Variants in HLA-DQB1 observed in about 807,000 individuals in gnomAD.
The protein encoded by HLA-DQB1 is major histocompatibility complex, class II, DQ beta 1, also known as HLA class II histocompatibility antigen, DQ beta 1 chain.
Under a neutral mutation model 26.4 loss-of-function variants are expected in HLA-DQB1, and 13 were observed. That is an observed-to-expected ratio of 0.49 (90% confidence interval 0.32 to 0.78). HLA-DQB1 has a LOEUF of 0.78. HLA-DQB1 is among the 30% of genes least tolerant of loss of function. The pLI is 0.03. For synonymous variants in HLA-DQB1, 60 were observed against 129.1 expected (o/e 0.46, Z 3.63); for missense variants, 158 against 326.2 (o/e 0.48, Z 3.97).
At chr6:32,661,269 T>C (rs28724237) in intron 4 of HLA-DQB1, 78 bp downstream of exon 4, 85,082 of 541,844 alleles carry the variant, frequency 0.16, 16,697 homozygotes, top group Admixed American at 0.33. Flanking sequence ...AGGAAAGAGC[T>C]AATCTACAGA....
At position 32,662,453 on chromosome 6, in the gene HLA-DQB1, T is replaced by C. The variant is rs9274129; in HGVS notation, c.380-205A>G. ...TAACATACTATGGTCCCTGCATTTA[T>C]AGAATGTGCAATCTAGTAACAGACA... On this transcript the variant is annotated intron_variant, in intron 2 of 4. Coordinates refer to ENST00000434651, the Ensembl canonical transcript of HLA-DQB1. 711 of 172,370 alleles carry C rather than the reference T, an allele frequency of 4.1e-3. 37 individuals are homozygous for C. Among genetic ancestry groups the C allele is most frequent in the Admixed American group, 9.5e-3 (64 of 6,702 alleles). 10.7% of individuals were successfully genotyped at this position (172,370 alleles called of 1,614,324 possible).
chr6:32,660,181 T>C (rs7656), exon 5 of HLA-DQB1: 539,423 of 765,264 alleles, frequency 0.7, 239,974 homozygotes, highest in South Asian at 0.96. Flanking sequence ...TGGGCAGGCA[T>C]AAGCAGGCAT....
intron 2 of HLA-DQB1, chr6:32,664,423 G>A (rs141127771): frequency 0.035 from 4,867 of 137,248 alleles, 1,433 homozygotes; most frequent in East Asian, 0.27. Flanking sequence ...GTGGGGCAGT[G>A]CTAGCGAGGC....
rs1460533978 is a variant in HLA-DQB1 at position 32,664,450 on chromosome 6, AGGGT to A, written c.379+344_379+347del. ...TAGCGAGGCCGGCGGGCAGGGGAAG[AGGGT>A]GGGCACTGGGGGCAGAGAGAACTGC... is the stretch of plus-strand genomic sequence containing the variant. On this transcript the variant is annotated intron_variant, in intron 2 of 4. Coordinates refer to ENST00000434651, the Ensembl canonical transcript of HLA-DQB1. 754 of 136,556 alleles carry A rather than the reference AGGGT, an allele frequency of 5.5e-3. 10 individuals are homozygous for A. Among genetic ancestry groups the A allele is most frequent in the Middle Eastern group, 0.022 (6 of 270 alleles). The allele number at this position is 136,556 out of a possible 1,614,324, so 8.5% of individuals were successfully genotyped here.
chr6:32,660,097 C>T lies in HLA-DQB1; in HGVS notation c.*139G>A. The stretch of plus-strand genomic sequence containing the variant: ...TTGGGGTGGGGATGAAAGGAGATGA[C>T]CTGGTGGCTGCGTGACAGCCACTGT... On this transcript the variant is annotated 3_prime_UTR_variant, in exon 5 of 5. Transcript: ENST00000434651. The T allele has an allele frequency of 4.4e-6, 2 of 449,626 alleles. 1 individual carries two copies. Among genetic ancestry groups the T allele is most frequent in the East Asian group, 8.8e-5 (2 of 22,700 alleles). 27.9% of individuals were successfully genotyped at this position (449,626 alleles called of 1,614,324 possible). A position where few individuals can be genotyped will look rare whatever the true frequency, so the allele number is the denominator to read the frequency against.
intron 1 of HLA-DQB1, among the ~76,000 whole-genome samples, 181 bp downstream of exon 1, chr6:32,666,318 T>G (rs281861014): frequency 1.3e-5 from 2 of 151,120 alleles, no homozygotes; most frequent in Admixed American, 1.3e-4. Flanking sequence ...GGGATTGGAT[T>G]GTCCTCATCT....
At chr6:32,666,632 G>T in exon 1 of HLA-DQB1, 1 of 861,434 alleles carries the variant, frequency 1.2e-6, no homozygotes. Flanking sequence ...GAAAAGCAGT[G>T]GTAGTCAACA....
chr6:32,663,509 G>GGA (rs200685836), intron 2 of HLA-DQB1: 27,451 of 116,720 alleles, frequency 0.24, 3,476 homozygotes, highest in South Asian at 0.29. Flanking sequence ...CTCTACATAT[G>GGA]TGTAGTGAGG....
chr6:32,665,610 A>AGT (rs9282154), intron 1 of HLA-DQB1, among the ~76,000 whole-genome samples: 47,147 of 125,154 alleles, frequency 0.38, 12,848 homozygotes, highest in Middle Eastern at 0.55. Context: ...GTTGGAAAGG[A>AGT]CCTACACCTC....
exon 2 of HLA-DQB1, chr6:32,664,864 C>G: frequency 2.5e-6 from 3 of 1,195,254 alleles, no homozygotes; most frequent in Non-Finnish European, 3.6e-6. Flanking sequence ...TCCAACTCCG[C>G]CCGGGTCCCC....
chr6:32,662,677 CATCTTT>C (rs747819031), intron 2 of HLA-DQB1: 8,978 of 109,944 alleles, frequency 0.082, 1,469 homozygotes, highest in South Asian at 0.098. Context: ...AAAAATGACA[CATCTTT>C]CCCCGCCTCT....
chr6:32,666,405 C>A, intron 1 of HLA-DQB1, 94 bp downstream of exon 1: 2 of 465,206 alleles, frequency 4.3e-6, no homozygotes, highest in Non-Finnish European at 7.5e-6. Context: ...AAGATTGTGT[C>A]CAAGATCATA....
exon 2 of HLA-DQB1, chr6:32,664,883 T>G (rs281874783): frequency 0.038 from 45,040 of 1,188,896 alleles, 10,490 homozygotes; most frequent in East Asian, 0.23. Flanking sequence ...CCTCCAGGAC[T>G]TCCTTCTGGC....
chr6:32,666,648 C>CA, exon 1 of HLA-DQB1: 1 of 767,060 alleles, frequency 1.3e-6, no homozygotes, highest in Non-Finnish European at 2.2e-6. Flanking sequence ...CAACACAGCT[C>CA]GGACCTGATG....
chr6:32,665,818 A>G (rs9274469), intron 1 of HLA-DQB1, among the ~76,000 whole-genome samples: 81,923 of 116,646 alleles, frequency 0.7, 30,836 homozygotes, highest in Middle Eastern at 0.85. Context: ...GAGAAGTTAT[A>G]TAAAGTATTG....
intron 4 of HLA-DQB1, 50 bp downstream of exon 4, chr6:32,661,297 G>A (rs9273588): frequency 0.019 from 21,023 of 1,093,466 alleles, 1,820 homozygotes; most frequent in East Asian, 0.16. Flanking sequence ...ACTCTGAACA[G>A]AGGGTCTGGG....
chr6:32,661,516 G>A, intron 3 of HLA-DQB1, 59 bp from the exon 4 acceptor site: 4 of 1,012,736 alleles, frequency 3.9e-6, no homozygotes, highest in Non-Finnish European at 5.6e-6. Flanking sequence ...TCCCTGCTGA[G>A]GAGTTGAAGT....
chr6:32,661,005 T>C (rs1782929452), intron 4 of HLA-DQB1: 1 of 621,846 alleles, frequency 1.6e-6, no homozygotes, highest in South Asian at 1.8e-5. Context: ...CTTCCAGGCC[T>C]TCAGCACCCT....
intron 2 of HLA-DQB1, chr6:32,664,391 C>G (rs281862385): frequency 8.7e-6 from 1 of 114,506 alleles, no homozygotes; most frequent in African/African-American, 3.5e-5. Flanking sequence ...GCGGCGCAAG[C>G]TGCGCACGTG....
Sources: gnomAD v4.1 joint callset for allele counts (sites outside exome capture counted in the v4.1 genomes callset) on GRCh38, gnomAD v4.1.1 for gene constraint, MANE v1.5 for transcripts, NCBI Gene and HGNC (gene_info 2026-07-23, HGNC 2026-07-21) for gene names.